Variants in THRB observed in about 807,000 individuals in gnomAD.
THRB encodes the protein nuclear receptor subfamily 1 group A member 2.
Under a neutral mutation model 47.8 loss-of-function variants are expected in THRB, and 12 were observed. The ratio of observed to expected loss-of-function variants is 0.25; its 90% CI spans 0.16 to 0.41. THRB has a LOEUF of 0.41. THRB is among the 10% of genes least tolerant of loss of function. The pLI, the probability that THRB is intolerant of heterozygous loss-of-function variation, is 1.00. For synonymous variants in THRB, 218 were observed against 212.2 expected, an observed-to-expected ratio of 1.03 and a Z score of -0.24; for missense variants, 348 against 589.2, an observed-to-expected ratio of 0.59 and a Z score of 4.24.
At chr3:24,396,749 C>G (rs779090594) in intron 1 of THRB, among the ~76,000 whole-genome samples, 2 of 152,102 alleles carry the variant, frequency 1.3e-5, no homozygotes, top group Admixed American at 6.6e-5. Flanking sequence ...ATGCACAGAA[C>G]CAAAGCATTT....
chr3:24,435,345 G>A lies in THRB; in HGVS notation c.-261+59307C>T, dbSNP rs1286650799. Among the ~76,000 whole-genome samples the A allele has an allele frequency of 3.9e-5, 6 of 152,164 alleles. No homozygotes were observed. In the East Asian group the frequency reaches 1.2e-3, roughly 29 times the overall value. Reference sequence around the variant, plus strand: ...AAGGAAGCAGACAGGAAATGCGTAGGCAGAGGGACACAGGAGATTAAAAAG... The same window carrying A: ...AAGGAAGCAGACAGGAAATGCGTAGACAGAGGGACACAGGAGATTAAAAAG... On this transcript the variant is annotated intron_variant, in intron 1 of 10. Transcript: ENST00000646209.
intron 1 of THRB, among the ~76,000 whole-genome samples, chr3:24,478,612 G>T (rs1392396393): frequency 6.6e-6 from 1 of 152,236 alleles, no homozygotes; most frequent in African/African-American, 2.4e-5. Flanking sequence ...AGAAGGATAG[G>T]AAGAGGCAGT....
At chr3:24,239,253 T>G (rs1364032219) in intron 3 of THRB, among the ~76,000 whole-genome samples, 1 of 152,120 alleles carries the variant, frequency 6.6e-6, no homozygotes, top group Non-Finnish European at 1.5e-5. Flanking sequence ...CACATTAGGT[T>G]CTTGTTTAAT....
At chr3:24,264,716 T>A (rs2052457516) in intron 3 of THRB, among the ~76,000 whole-genome samples, 2 of 150,686 alleles carry the variant, frequency 1.3e-5, no homozygotes, top group South Asian at 4.2e-4. Context: ...CTTCAATTAA[T>A]CAAAAAAAGA....
chr3:24,321,588 T>G (rs932792600), intron 2 of THRB, among the ~76,000 whole-genome samples: 4 of 152,142 alleles, frequency 2.6e-5, no homozygotes, highest in Non-Finnish European at 5.9e-5. Context: ...TTCTAAGGTT[T>G]CATAAATTCC....
At chr3:24,488,557 C>CA (rs528758991) in intron 1 of THRB, among the ~76,000 whole-genome samples, 14 of 145,924 alleles carry the variant, frequency 9.6e-5, no homozygotes, top group Non-Finnish European at 1.7e-4. Context: ...AATTTGCCTT[C>CA]TTTTTTTTTT....
chr3:24,331,559 T>C (rs538835972), intron 2 of THRB, among the ~76,000 whole-genome samples: 1 of 152,316 alleles, frequency 6.6e-6, no homozygotes, highest in African/African-American at 2.4e-5. Flanking sequence ...ATCATTGCTA[T>C]TGGTGGTATG....
chr3:24,221,869 C>T (rs780490389), intron 4 of THRB, among the ~76,000 whole-genome samples: 1 of 152,130 alleles, frequency 6.6e-6, no homozygotes, highest in Non-Finnish European at 1.5e-5. Context: ...AAGCTCCCTA[C>T]TTTTCTGTAG....
chr3:24,341,991 C>A (rs999407014), intron 1 of THRB, among the ~76,000 whole-genome samples: 1 of 152,068 alleles, frequency 6.6e-6, no homozygotes, highest in African/African-American at 2.4e-5. Context: ...AGTGAGCCCA[C>A]CCAAGACTGG....
intron 1 of THRB, among the ~76,000 whole-genome samples, chr3:24,479,456 G>C (rs73823308): frequency 0.038 from 5,714 of 152,294 alleles, 159 homozygotes; most frequent in South Asian, 0.11. Flanking sequence ...GCATGGTAGA[G>C]ACAAGAACAA....
intron 2 of THRB, among the ~76,000 whole-genome samples, chr3:24,307,972 G>A (rs908101004): frequency 8.5e-5 from 13 of 152,156 alleles, no homozygotes; most frequent in African/African-American, 2.9e-4. Context: ...TGTTGCCATC[G>A]CTGCAGCCTC....
chr3:24,470,464 C>G (rs963485425), intron 1 of THRB, among the ~76,000 whole-genome samples: 1 of 152,196 alleles, frequency 6.6e-6, no homozygotes, highest in Non-Finnish European at 1.5e-5. Context: ...CTCTCTAAAT[C>G]TACTTTCTAA....
chr3:24,410,801 A>G (rs1347642901), intron 1 of THRB, among the ~76,000 whole-genome samples: 2 of 151,864 alleles, frequency 1.3e-5, no homozygotes, highest in Admixed American at 6.6e-5. Context: ...CAGCTATCCT[A>G]TTTGTTAATT....
At chr3:24,445,844 A>G (rs1310843820) in intron 1 of THRB, among the ~76,000 whole-genome samples, 1 of 152,246 alleles carries the variant, frequency 6.6e-6, no homozygotes, top group Non-Finnish European at 1.5e-5. Context: ...AAGCATAAAC[A>G]TTCAACCATA....
At chr3:24,196,253 T>C (rs1190906470) in intron 4 of THRB, among the ~76,000 whole-genome samples, 1 of 152,166 alleles carries the variant, frequency 6.6e-6, no homozygotes, top group Non-Finnish European at 1.5e-5. Context: ...CTGTAAACTT[T>C]GACCTAGTCC....
intron 10 of THRB, among the ~76,000 whole-genome samples, chr3:24,125,199 A>C (rs2032508366): frequency 6.6e-6 from 1 of 152,248 alleles, no homozygotes; most frequent in South Asian, 2.1e-4. Flanking sequence ...AACCACAAAA[A>C]TAGATGCATG....
chr3:24,481,243 T>TGTTTTTTTTTTG (rs1160348407), intron 1 of THRB, among the ~76,000 whole-genome samples: 2 of 143,676 alleles, frequency 1.4e-5, no homozygotes, highest in African/African-American at 5.1e-5. Context: ...TTTTTTTTTT[T>TGTTTTTTTTTTG]TTTTTTTTTT....
intron 6 of THRB, among the ~76,000 whole-genome samples, chr3:24,150,664 T>C (rs73823204): frequency 0.014 from 2,121 of 152,308 alleles, 48 homozygotes; most frequent in African/African-American, 0.048. Flanking sequence ...AGTCAGTCAC[T>C]AATAACGTAT....
chr3:24,182,228 C>A (rs1415710429), intron 5 of THRB, among the ~76,000 whole-genome samples: 2 of 151,354 alleles, frequency 1.3e-5, no homozygotes, highest in Admixed American at 6.6e-5. Context: ...AAAAAACAAA[C>A]AAAAAAAAGA....
Sources: gnomAD v4.1 joint callset for allele counts (sites outside exome capture counted in the v4.1 genomes callset) on GRCh38, gnomAD v4.1.1 for gene constraint, MANE v1.5 for transcripts, NCBI Gene and HGNC (gene_info 2026-07-23, HGNC 2026-07-21) for gene names.